Variants in DHODH observed in about 807,000 individuals in gnomAD.
DHODH encodes dihydroorotate dehydrogenase (quinone), mitochondrial.
In DHODH, 30 loss-of-function variants were observed where a neutral mutation model predicts 39.7. The observed-to-expected ratio is 0.76, with a 90% CI of 0.57 to 1.02. DHODH has a LOEUF of 1.02. Among genes scored for constraint, DHODH ranks in the 50% least tolerant of loss-of-function variants. DHODH has a pLI of 0.00. For synonymous variants in DHODH, 222 were observed against 213.8 expected (o/e 1.04, Z -0.34); for missense variants, 531 against 520.8 (o/e 1.02, Z -0.19).
At chr16:72,022,215 T>G in intron 5 of DHODH, 147 bp from the exon 6 acceptor site, 1 of 667,372 alleles carries the variant, frequency 1.5e-6, no homozygotes, top group South Asian at 1.6e-5. Flanking sequence ...ACTCCTCACG[T>G]CTGAGGGCTG....
chr16:72,014,709 C>T (rs2041121536), intron 3 of DHODH, 37 bp downstream of exon 3: 1 of 1,605,186 alleles, frequency 6.2e-7, no homozygotes, highest in African/African-American at 1.3e-5. Context: ...GGGATGCCCT[C>T]TTTCCAGCTG....
At chr16:72,017,602 T>C (rs1397730968) in intron 4 of DHODH, among the ~76,000 whole-genome samples, 1 of 152,172 alleles carries the variant, frequency 6.6e-6, no homozygotes, top group Non-Finnish European at 1.5e-5. Context: ...GGGAAAATAT[T>C]CTTCATGAGT....
rs746414347 is a variant in DHODH at position 72,020,372 on chromosome 16, T to TATATATATGTATATATATATATATA, written c.518-752_518-751insATATATATGTATATATATATATATA. 380 of 70,238 alleles carry TATATATATGTATATATATATATATA rather than the reference T, an allele frequency of 5.4e-3. 2 individuals are homozygous for TATATATATGTATATATATATATATA. The highest frequency in any genetic ancestry group is 0.025 in the African/African-American group (363 of 14,648). 4.4% of individuals were successfully genotyped at this position (70,238 alleles called of 1,614,324 possible). ...ATATATATGTGTATATATATATATA[T>TATATATATGTATATATATATATATA]TTTTTTTTTTTTTCTTTTTTTTGAG... On this transcript the variant is annotated intron_variant, in intron 4 of 8. Transcript: ENST00000219240.
At position 72,008,780 on chromosome 16, in the gene DHODH, C is replaced by G. The variant is rs1411892430; in HGVS notation, c.16C>G (p.Leu6Val). 1.3e-6 allele frequency: 2 copies of G among 1,551,982 alleles called. No homozygotes were observed. The highest frequency in any genetic ancestry group is 2.4e-5 in the East Asian group (1 of 40,940). The part of the protein sequence containing the change: MAWRH[L>V]KKRAQDAVII... ...CGGAAGGAGCATGGCGTGGAGACAC[C>G]TGAAAGTGAGTCCCGCGAGTGAGCA... The change falls in exon 1 of 9, where the codon CTG (leucine) becomes GTG (valine). Residue 6 changes from leucine to valine, a missense_variant. Transcript: ENST00000219240.
intron 4 of DHODH, among the ~76,000 whole-genome samples, chr16:72,018,070 G>A (rs1221173295): frequency 6.6e-6 from 1 of 151,326 alleles, no homozygotes; most frequent in African/African-American, 2.4e-5. Context: ...CACCGCGCCT[G>A]GCCACAACAT....
Position 72,026,790 on chromosome 16 carries a change from T to G in DHODH, c.*2591T>G, listed in dbSNP as rs1352820408. 6.6e-6 allele frequency: 1 copy of G among 151,222 alleles called. No homozygotes were observed. Among genetic ancestry groups the G allele is most frequent in the African/African-American group, 2.4e-5 (1 of 41,042 alleles). The allele number at this position is 151,222 out of a possible 1,614,324, so 9.4% of individuals were successfully genotyped here. A position where few individuals can be genotyped will look rare whatever the true frequency, so the allele number is the denominator to read the frequency against. On this transcript the variant is annotated 3_prime_UTR_variant, in exon 9 of 9. Transcript: ENST00000219240. ...TGGTGTGCGGATACCTATTTTTCTT[T>G]CTTTTCTTTTTTTTTTCTGAGACAG...
At chr16:72,018,107 GC>G (rs1415668647) in intron 4 of DHODH, among the ~76,000 whole-genome samples, 15 of 106,874 alleles carry the variant, frequency 1.4e-4, no homozygotes, top group Admixed American at 1.2e-3. Context: ...CTCCGGCGAT[GC>G]GGGTGTTCTC....
At chr16:72,009,126 G>A in intron 1 of DHODH, 1 of 1,251,128 alleles carries the variant, frequency 8.0e-7, no homozygotes, top group Non-Finnish European at 1.0e-6. Context: ...ACTAGAGTAG[G>A]ACATGCTCCC....
chr16:72,011,991 C>A (rs2041086571), intron 1 of DHODH, 59 bp from the exon 2 acceptor site: 26 of 1,459,620 alleles, frequency 1.8e-5, no homozygotes, highest in Non-Finnish European at 2.4e-5. Context: ...GTGTGAAGGG[C>A]TCAGGAAGGG....
intron 4 of DHODH, chr16:72,020,331 A>ATATATATATATATATATATATATATGTG (rs2041191960): frequency 3.8e-5 from 1 of 26,098 alleles, no homozygotes; most frequent in Non-Finnish European, 1.1e-4. Context: ...GTATATGTGT[A>ATATATATATATATATATATATATATGTG]TATATATATA....
At chr16:72,023,353 G>T (rs368763513) in intron 7 of DHODH, 35 bp downstream of exon 7, 1 of 1,614,050 alleles carries the variant, frequency 6.2e-7, no homozygotes, top group Non-Finnish European at 8.5e-7. Flanking sequence ...TCAGATCTGC[G>T]TGTGGCTTGG....
At chr16:72,018,007 C>G (rs942019308) in intron 4 of DHODH, among the ~76,000 whole-genome samples, 1 of 152,146 alleles carries the variant, frequency 6.6e-6, no homozygotes, top group South Asian at 2.1e-4. Flanking sequence ...ATTTCCTGAC[C>G]TGGTGATCCG....
chr16:72,011,556 C>T (rs1054075587), intron 1 of DHODH, among the ~76,000 whole-genome samples: 1 of 152,132 alleles, frequency 6.6e-6, no homozygotes, highest in Non-Finnish European at 1.5e-5. Flanking sequence ...TTGCTTGAGA[C>T]CAGGAGGTCA....
At chr16:72,015,795 G>A in intron 3 of DHODH, 6 of 985,468 alleles carry the variant, frequency 6.1e-6, no homozygotes, top group Non-Finnish European at 7.2e-6. Context: ...TCCTATAGGT[G>A]AGCAGGGGTG....
intron 4 of DHODH, among the ~76,000 whole-genome samples, chr16:72,019,522 C>G (rs2041180042): frequency 6.6e-6 from 1 of 152,190 alleles, no homozygotes; most frequent in African/African-American, 2.4e-5. Flanking sequence ...TAGAAGAAGT[C>G]AAGTAGAGAC....
rs531245270 is a variant in DHODH at position 72,024,382 on chromosome 16, G to C, written c.*183G>C. On this transcript the variant is annotated 3_prime_UTR_variant, in exon 9 of 9. Transcript: ENST00000219240. ...ACCGCAGGCTTTCTTCAGTCCCTTG[G>C]TCAGACCATAAACTGCATTTTTGAT... The C allele has an allele frequency of 4.4e-6, 3 of 676,130 alleles. No homozygotes were observed. Among genetic ancestry groups the C allele is most frequent in the East Asian group, 5.5e-5 (2 of 36,678 alleles). 41.9% of individuals were successfully genotyped at this position (676,130 alleles called of 1,614,324 possible).
At chr16:72,013,564 C>G (rs1476306130) in intron 2 of DHODH, 2 of 152,206 alleles carry the variant, frequency 1.3e-5, no homozygotes, top group Non-Finnish European at 2.9e-5. Flanking sequence ...GTTTGGCTCT[C>G]CACCCTTCAC....
At chr16:72,023,132 G>A in intron 6 of DHODH, 33 bp from the exon 7 acceptor site, 1 of 1,613,536 alleles carries the variant, frequency 6.2e-7, no homozygotes, top group Non-Finnish European at 8.5e-7. Flanking sequence ...TCGGTGCTAT[G>A]ACTCATGGCT....
Position 72,026,984 on chromosome 16 carries a change from TGTGTGTGTGTGTGTGTGTGTGTG to T in DHODH, c.*2786_*2808del, listed in dbSNP as rs2041281656. 1 of 144,400 alleles carries T rather than the reference TGTGTGTGTGTGTGTGTGTGTGTG, an allele frequency of 6.9e-6. No individual in the cohort carries two copies. Among genetic ancestry groups the T allele is most frequent in the African/African-American group, 2.5e-5 (1 of 39,652 alleles). 8.9% of individuals were successfully genotyped at this position (144,400 alleles called of 1,614,324 possible). On this transcript the variant is annotated 3_prime_UTR_variant, in exon 9 of 9. Transcript: ENST00000219240. ...TTGTGTGTGTGTGTGTGTGTGTGTG[TGTGTGTGTGTGTGTGTGTGTGTG>T]TGTTTTTGAGATGGAGTCCTGCTCT... is the stretch of plus-strand genomic sequence containing the variant.
Sources: gnomAD v4.1 joint callset for allele counts (sites outside exome capture counted in the v4.1 genomes callset) on GRCh38, gnomAD v4.1.1 for gene constraint, MANE v1.5 for transcripts, NCBI Gene and HGNC (gene_info 2026-07-23, HGNC 2026-07-21) for gene names.